The following ABCA13 variants were observed in gnomAD, a reference collection of about 807,000 sequenced individuals.
ABCA13 encodes ATP binding cassette subfamily A member 13, also known as ATP-binding cassette sub-family A member 13.
Under a neutral mutation model 478.7 loss-of-function variants are expected in ABCA13, and 476 were observed. That is an observed-to-expected ratio of 0.99 (90% CI 0.92 to 1.07). The LOEUF is 1.07. Among genes scored for constraint, ABCA13 ranks in the 50% least tolerant of loss-of-function variants. The pLI is 0.00. For synonymous variants in ABCA13, 2,252 were observed against 2,158.9 expected (o/e 1.04, Z -1.20); for missense variants, 6,060 against 5,910.6 (o/e 1.03, Z -0.83).
intron 55 of ABCA13, among the ~76,000 whole-genome samples, chr7:48,530,599 TC>T (rs1203423650): frequency 3.9e-5 from 6 of 152,176 alleles, no homozygotes; most frequent in African/African-American, 1.4e-4. Context: ...TAGTTTACAT[TC>T]CCACCAACAG....
At chr7:48,177,920 A>G (rs1795106027) in intron 1 of ABCA13, among the ~76,000 whole-genome samples, 1 of 152,250 alleles carries the variant, frequency 6.6e-6, no homozygotes, top group Non-Finnish European at 1.5e-5. Context: ...AAACTGCCTC[A>G]GCCACTGCCA....
chr7:48,415,047 T>C (rs760993881), intron 41 of ABCA13, among the ~76,000 whole-genome samples: 1 of 152,166 alleles, frequency 6.6e-6, no homozygotes, highest in Non-Finnish European at 1.5e-5. Context: ...CCTAAGCCCC[T>C]TTTCCCCAGA....
At chr7:48,417,392 G>C (rs1159924384) in intron 41 of ABCA13, among the ~76,000 whole-genome samples, 1 of 152,084 alleles carries the variant, frequency 6.6e-6, no homozygotes, top group Non-Finnish European at 1.5e-5. Flanking sequence ...TCAACCCATG[G>C]TTGCCATGGG....
At chr7:48,621,594 C>A (rs1793139891) in intron 59 of ABCA13, among the ~76,000 whole-genome samples, 1 of 152,070 alleles carries the variant, frequency 6.6e-6, no homozygotes, top group African/African-American at 2.4e-5. Context: ...AAGTTGGTGT[C>A]CTATGCTCTT....
intron 4 of ABCA13, among the ~76,000 whole-genome samples, chr7:48,219,883 A>AAC (rs3065570): frequency 0.13 from 15,899 of 126,336 alleles, 1,047 homozygotes; most frequent in East Asian, 0.13. Context: ...ACCTTCCCCA[A>AAC]ACACACACAC....
intron 55 of ABCA13, among the ~76,000 whole-genome samples, chr7:48,548,944 A>T (rs1262162295): frequency 6.6e-6 from 1 of 151,646 alleles, no homozygotes; most frequent in Non-Finnish European, 1.5e-5. Flanking sequence ...CTAAGATTGA[A>T]ACTTGACTAC....
chr7:48,471,569 C>T lies in ABCA13; in HGVS notation c.12945C>T (p.His4315=). ...GCTGGCGCACAGATCCCTTTTCTCA[C>T]CCAGAATTCCAGGATTCATGTGGCT... ...SSCWRTDPFS[H]PEFQDSCGCL... The change falls in exon 45 of 62, where the codon CAC becomes CAT. Residue 4315 remains histidine (H), a synonymous_variant. Coordinates refer to ENST00000435803, the MANE Select transcript of ABCA13 (RefSeq NM_152701.5). The T allele has an allele frequency of 6.4e-7, 1 of 1,564,712 alleles. No homozygotes were observed. The highest frequency in any genetic ancestry group is 8.7e-7 in the Non-Finnish European group (1 of 1,152,510).
rs994461298 is a variant in ABCA13, at chr7:48,475,497, G to C, written c.12975+3898G>C. Among the ~76,000 whole-genome samples, 4 of 120,066 alleles carry C rather than the reference G, an allele frequency of 3.3e-5. No individual in the cohort carries two copies. The Admixed American group carries it at 3.5e-4, about 11-fold the overall frequency. 78.8% of individuals were successfully genotyped at this position (120,066 alleles called of 152,430 possible). A position where few individuals can be genotyped will look rare whatever the true frequency, so the allele number is the denominator to read the frequency against. ...TTTTTTTTTTTTGAGACAGAGTCTC[G>C]CTCTGTCACCCAGGCTAGAGGGCAG... On this transcript the variant is annotated intron_variant, in intron 45 of 61. Transcript: ENST00000435803.
chr7:48,417,267 G>T (rs1464402399), intron 41 of ABCA13, among the ~76,000 whole-genome samples: 1 of 152,138 alleles, frequency 6.6e-6, no homozygotes, highest in Non-Finnish European at 1.5e-5. Flanking sequence ...ACATGCATTT[G>T]TGTCCTAGAT....
chr7:48,234,278 C>A (rs992439547), intron 8 of ABCA13, 127 bp downstream of exon 8: 2 of 1,272,012 alleles, frequency 1.6e-6, no homozygotes, highest in Non-Finnish European at 2.3e-6. Context: ...TCGGTCAAAA[C>A]CCGAGCTCCT....
At position 48,646,525 on chromosome 7, in the gene ABCA13, A is replaced by T. The variant is rs965611209; in HGVS notation, c.*1013A>T. ...AGTATGTAGTCTTTTTTATTTATTT[A>T]TTTTTTTTTTTTGAGGCGGAGTCTC... On this transcript the variant is annotated 3_prime_UTR_variant, in exon 62 of 62. Coordinates refer to ENST00000435803, the MANE Select transcript of ABCA13 (RefSeq NM_152701.5). 3.5e-4 allele frequency: 52 copies of T among 149,512 alleles called. 1 individual carries two copies. The highest frequency in any genetic ancestry group is 1.1e-3 in the African/African-American group (44 of 40,422). 9.3% of individuals were successfully genotyped at this position (149,512 alleles called of 1,614,324 possible).
At chr7:48,461,526 G>A (rs1826242376) in intron 43 of ABCA13, among the ~76,000 whole-genome samples, 1 of 152,178 alleles carries the variant, frequency 6.6e-6, no homozygotes, top group Non-Finnish European at 1.5e-5. Flanking sequence ...TGTATACATT[G>A]TATGGGGACA....
chr7:48,192,886 C>T (rs1265318844), intron 1 of ABCA13, 73 bp from the exon 2 acceptor site: 17 of 1,191,174 alleles, frequency 1.4e-5, no homozygotes, highest in Non-Finnish European at 2.0e-5. Flanking sequence ...AAAATGACCT[C>T]CTTCAAGAGA....
intron 37 of ABCA13, among the ~76,000 whole-genome samples, chr7:48,391,522 A>G (rs1816046619): frequency 1.3e-5 from 2 of 152,186 alleles, no homozygotes; most frequent in African/African-American, 2.4e-5. Context: ...ACGCTTTGTG[A>G]TAGATGATTT....
intron 47 of ABCA13, 98 bp from the exon 48 acceptor site, chr7:48,489,138 G>A (rs1403674645): frequency 5.1e-6 from 5 of 986,810 alleles, no homozygotes; most frequent in Non-Finnish European, 7.6e-6. Context: ...TGCCTTGGAA[G>A]TTAATTGACA....
intron 38 of ABCA13, among the ~76,000 whole-genome samples, chr7:48,399,788 G>A (rs577779840): frequency 2.6e-5 from 4 of 152,264 alleles, no homozygotes; most frequent in Admixed American, 2.6e-4. Context: ...TGAGATTCAA[G>A]GCTGGGGGCT....
intron 1 of ABCA13, among the ~76,000 whole-genome samples, chr7:48,192,240 A>G (rs2128894391): frequency 6.6e-6 from 1 of 151,684 alleles, no homozygotes; most frequent in South Asian, 2.1e-4. Flanking sequence ...ATTAAATTCC[A>G]TGTGTCAAAG....
intron 5 of ABCA13, among the ~76,000 whole-genome samples, chr7:48,224,747 A>G: frequency 6.6e-6 from 1 of 152,196 alleles, no homozygotes; most frequent in Non-Finnish European, 1.5e-5. Context: ...ATATACAGGC[A>G]GTGATGTTGT....
chr7:48,362,409 C>CTTTTTTTTTTTTTTTTTTTTTTTTTTTT, intron 31 of ABCA13, among the ~76,000 whole-genome samples: 1 of 86,010 alleles, frequency 1.2e-5, no homozygotes, highest in Non-Finnish European at 2.2e-5. Flanking sequence ...TCCTCTTCTT[C>CTTTTTTTTTTTTTTTTTTTTTTTTTTTT]TTTTTTTTTT....
Sources: gnomAD v4.1 joint callset for allele counts (sites outside exome capture counted in the v4.1 genomes callset) on GRCh38, gnomAD v4.1.1 for gene constraint, MANE v1.5 for transcripts, NCBI Gene and HGNC (gene_info 2026-07-23, HGNC 2026-07-21) for gene names.